The following LDLRAD4 variants were observed in gnomAD, a reference collection of about 807,000 sequenced individuals.
LDLRAD4 encodes the protein low density lipoprotein receptor class A domain containing 4, also known as low-density lipoprotein receptor class A domain-containing protein 4.
Under a neutral mutation model 17.0 loss-of-function variants are expected in LDLRAD4, and 5 were observed. The observed-to-expected ratio is 0.29, with a 90% confidence interval of 0.15 to 0.62. The LOEUF is 0.62. Ranked by LOEUF, LDLRAD4 falls within the 20% of genes least tolerant of loss-of-function variation. LDLRAD4 has a pLI of 0.84. For synonymous variants in LDLRAD4, 168 were observed against 171.8 expected, an observed-to-expected ratio of 0.98 and a Z score of 0.17; for missense variants, 340 against 424.7, an observed-to-expected ratio of 0.80 and a Z score of 1.75.
chr18:13,530,141 A>G (rs1269783489), intron 3 of LDLRAD4, among the ~76,000 whole-genome samples: 1 of 152,200 alleles, frequency 6.6e-6, no homozygotes, highest in Non-Finnish European at 1.5e-5. Flanking sequence ...GCTTCCAGCC[A>G]TGTGTCTCCA....
chr18:13,438,504 T>TACCAC, intron 3 of LDLRAD4, 120 bp downstream of exon 4: 1 of 771,818 alleles, frequency 1.3e-6, no homozygotes, highest in Non-Finnish European at 2.1e-6. Flanking sequence ...GATTTGCATT[T>TACCAC]TCACAAAGGA....
chr18:13,549,682 G>C (rs1428527692), intron 3 of LDLRAD4, among the ~76,000 whole-genome samples: 1 of 151,836 alleles, frequency 6.6e-6, no homozygotes, highest in Non-Finnish European at 1.5e-5. Flanking sequence ...AACAGACAAA[G>C]AGTTAAAATT....
At chr18:13,442,845 C>T (rs1052776950) in intron 3 of LDLRAD4, among the ~76,000 whole-genome samples, 3 of 152,196 alleles carry the variant, frequency 2.0e-5, no homozygotes, top group Non-Finnish European at 2.9e-5. Context: ...CCGAAGCCAG[C>T]GCTGCTGAGG....
At chr18:13,299,839 T>A (rs2046480917) in intron 1 of LDLRAD4, among the ~76,000 whole-genome samples, 1 of 151,776 alleles carries the variant, frequency 6.6e-6, no homozygotes. Flanking sequence ...CAAGACCCTG[T>A]CTCTTAAAAA....
At chr18:13,612,838 G>A in intron 3 of LDLRAD4, 1 of 1,602,476 alleles carries the variant, frequency 6.2e-7, no homozygotes, top group South Asian at 1.1e-5. Flanking sequence ...GGTTCTTCTT[G>A]GAGTTTGGTC....
At chr18:13,334,066 T>A (rs1167079083) in intron 1 of LDLRAD4, among the ~76,000 whole-genome samples, 2 of 152,254 alleles carry the variant, frequency 1.3e-5, no homozygotes, top group Non-Finnish European at 2.9e-5. Context: ...GTAGTTCCTC[T>A]TTTATTTCTT....
At chr18:13,438,518 G>A (rs760095311) in intron 3 of LDLRAD4, 134 bp downstream of exon 4, 23 of 732,660 alleles carry the variant, frequency 3.1e-5, no homozygotes, top group Non-Finnish European at 4.6e-5. Context: ...CAAAGGAAAT[G>A]TTTTCTTCTT....
intron 3 of LDLRAD4, among the ~76,000 whole-genome samples, chr18:13,556,387 A>G (rs530747378): frequency 6.6e-6 from 1 of 152,230 alleles, no homozygotes; most frequent in Non-Finnish European, 1.5e-5. Flanking sequence ...CATCCAGTGA[A>G]GACACATGAT....
intron 3 of LDLRAD4, among the ~76,000 whole-genome samples, chr18:13,541,400 A>G (rs2094280853): frequency 1.3e-5 from 2 of 152,224 alleles, no homozygotes; most frequent in African/African-American, 4.8e-5. Flanking sequence ...TCAGTGGAAA[A>G]CAATCAGTGA....
intron 3 of LDLRAD4, among the ~76,000 whole-genome samples, chr18:13,479,741 GA>G (rs1443344124): frequency 1.3e-5 from 2 of 152,074 alleles, no homozygotes; most frequent in Non-Finnish European, 2.9e-5. Flanking sequence ...TAAGAAAAAA[GA>G]AAAAAACCTG....
intron 3 of LDLRAD4, among the ~76,000 whole-genome samples, chr18:13,608,666 T>C (rs994820239): frequency 6.6e-6 from 1 of 152,160 alleles, no homozygotes; most frequent in Non-Finnish European, 1.5e-5. Context: ...GCTTCTCCTA[T>C]GCAGGTCTCA....
intron 3 of LDLRAD4, chr18:13,514,372 TAATA>T (rs1334177486): frequency 2.6e-5 from 4 of 152,240 alleles, no homozygotes; most frequent in Non-Finnish European, 5.9e-5. Flanking sequence ...GTCTAGCATA[TAATA>T]AATATACAAC....
intron 3 of LDLRAD4, among the ~76,000 whole-genome samples, chr18:13,477,054 T>C (rs1189575205): frequency 2.6e-5 from 4 of 152,198 alleles, no homozygotes; most frequent in Non-Finnish European, 5.9e-5. Flanking sequence ...GACTAGGCTT[T>C]GTAGGAGACT....
chr18:13,475,135 G>A (rs1169195202), intron 3 of LDLRAD4, among the ~76,000 whole-genome samples: 1 of 152,172 alleles, frequency 6.6e-6, no homozygotes, highest in African/African-American at 2.4e-5. Context: ...GGGTGCAAAC[G>A]TTAAGTTTGC....
intron 3 of LDLRAD4, among the ~76,000 whole-genome samples, chr18:13,562,301 C>T (rs1007617553): frequency 7.9e-5 from 12 of 152,244 alleles, no homozygotes; most frequent in Admixed American, 6.5e-5. Flanking sequence ...GTGACCCAGA[C>T]TGGCCACCTT....
At chr18:13,642,696 C>A in intron 4 of LDLRAD4, 1 of 1,231,608 alleles carries the variant, frequency 8.1e-7, no homozygotes, top group Non-Finnish European at 1.0e-6. Context: ...CCCAGCCTGC[C>A]CTCATCGGGC....
At chr18:13,619,065 A>G (rs1397674367) in intron 3 of LDLRAD4, among the ~76,000 whole-genome samples, 1 of 152,184 alleles carries the variant, frequency 6.6e-6, no homozygotes, top group East Asian at 1.9e-4. Context: ...GGCAGAGCCC[A>G]CCGGGGCCAC....
intron 4 of LDLRAD4, among the ~76,000 whole-genome samples, chr18:13,625,986 C>T (rs1031299215): frequency 3.3e-5 from 5 of 151,638 alleles, no homozygotes; most frequent in East Asian, 1.9e-4. Context: ...CAACCTTTGT[C>T]GCCATGCGGT....
At chr18:13,407,135 G>A (rs1600027461) in intron 2 of LDLRAD4, among the ~76,000 whole-genome samples, 1 of 151,922 alleles carries the variant, frequency 6.6e-6, no homozygotes, top group African/African-American at 2.4e-5. Flanking sequence ...AGGATGCCCC[G>A]GGATATCAGC....
Sources: gnomAD v4.1 joint callset for allele counts (sites outside exome capture counted in the v4.1 genomes callset) on GRCh38, gnomAD v4.1.1 for gene constraint, MANE v1.5 for transcripts, NCBI Gene and HGNC (gene_info 2026-07-23, HGNC 2026-07-21) for gene names.